The following SYBU variants were observed in gnomAD, a reference collection of about 807,000 sequenced individuals.
SYBU encodes the protein syntabulin.
A neutral mutation model predicts 35.9 loss-of-function variants in SYBU; 21 were observed. That is an observed-to-expected ratio of 0.58 (90% confidence interval 0.41 to 0.84). The LOEUF (loss-of-function observed/expected upper bound fraction) is 0.84, where lower values mean the gene tolerates loss of function less well. Among genes scored for constraint, SYBU ranks in the 40% least tolerant of loss-of-function variants. SYBU has a pLI of 0.00. For synonymous variants in SYBU, 319 were observed against 324.3 expected, an observed-to-expected ratio of 0.98 and a Z score of 0.18; for missense variants, 768 against 848.2, an observed-to-expected ratio of 0.91 and a Z score of 1.17.
At chr8:109,642,683 G>C (rs1171910721) in intron 2 of SYBU, 45 bp downstream of exon 2, 1 of 1,418,002 alleles carries the variant, frequency 7.1e-7, no homozygotes, top group Non-Finnish European at 9.6e-7. Context: ...TGCACCTGCA[G>C]TGCACACGCT....
chr8:109,575,431 C>A lies in SYBU; in HGVS notation c.1467G>T (p.Gln489His). 6.2e-7 allele frequency: 1 copy of A among 1,614,126 alleles called. No homozygotes were observed. Among genetic ancestry groups the A allele is most frequent in the Admixed American group, 1.7e-5 (1 of 60,022 alleles). ...EGSVVVERAV[Q>H]TDVVPYSPAI... ...CTGGGCTGTAGGGCACCACGTCGGTCTGAACGGCTCGCTCCACCACCACAC... is the reference window on the plus strand; with the variant it reads ...CTGGGCTGTAGGGCACCACGTCGGTATGAACGGCTCGCTCCACCACCACAC... The change falls in exon 7 of 7, where the codon CAG becomes CAT. Residue 489 changes from glutamine to histidine, a missense_variant. Gln to His is a conservative substitution (Grantham distance 24). Coordinates refer to ENST00000276646, the MANE Select transcript of SYBU (RefSeq NM_001099754.2).
intron 3 of SYBU, among the ~76,000 whole-genome samples, chr8:109,602,819 T>G (rs1469244737): frequency 6.6e-6 from 1 of 152,056 alleles, no homozygotes; most frequent in Non-Finnish European, 1.5e-5. Flanking sequence ...GTAGGGAGTG[T>G]GAGAACAAAA....
chr8:109,601,840 CAG>C (rs1825564334), intron 3 of SYBU, among the ~76,000 whole-genome samples: 1 of 152,044 alleles, frequency 6.6e-6, no homozygotes, highest in African/African-American at 2.4e-5. Flanking sequence ...GAGTTGTAAC[CAG>C]AGAGTTGAAA....
intron 1 of SYBU, among the ~76,000 whole-genome samples, chr8:109,686,322 T>C (rs1053596944): frequency 1.3e-5 from 2 of 152,182 alleles, no homozygotes; most frequent in Non-Finnish European, 2.9e-5. Flanking sequence ...TTTAATATGT[T>C]TTAAGAACCA....
At chr8:109,631,684 G>T (rs1022471750) in intron 2 of SYBU, among the ~76,000 whole-genome samples, 1 of 152,160 alleles carries the variant, frequency 6.6e-6, no homozygotes, top group Non-Finnish European at 1.5e-5. Flanking sequence ...CTACCTAGAG[G>T]TTTTGGCGAG....
chr8:109,575,684 G>C lies in SYBU; in HGVS notation c.1214C>G (p.Pro405Arg). Reference protein sequence around the residue: ...DSPEKSLTLNPPLDTMADGLS... With the variant: ...DSPEKSLTLNRPLDTMADGLS... ...CCCATCTGCCATTGTGTCAAGAGGG[G>C]GGTTGAGGGTTAAGCTCTTCTCTGG... The change falls in exon 7 of 7, where the codon CCC (proline) becomes CGC (arginine). Residue 405 changes from proline (P) to arginine (R), a missense_variant. Transcript: ENST00000276646. The C allele has an allele frequency of 6.2e-7, 1 of 1,614,092 alleles. No homozygotes were observed. The highest frequency in any genetic ancestry group is 1.1e-5 in the South Asian group (1 of 91,074).
At position 109,612,422 on chromosome 8, in the gene SYBU, T is replaced by A. The variant is rs535851336; in HGVS notation, c.427+6420A>T. On this transcript the variant is annotated intron_variant, in intron 3 of 6. Coordinates refer to ENST00000276646, the MANE Select transcript of SYBU (RefSeq NM_001099754.2). Reference sequence around the variant, plus strand: ...GGGTTTGCTGCCGGAAGACCTTAGCTTATAACTGGCAAGCTATTAGAAAAA... The same window carrying A: ...GGGTTTGCTGCCGGAAGACCTTAGCATATAACTGGCAAGCTATTAGAAAAA... 4.6e-5 allele frequency among the ~76,000 whole-genome samples: 7 copies of A among 152,354 alleles called. No individual in the cohort carries two copies. The South Asian group carries it at 1.4e-3, about 32-fold the overall frequency.
chr8:109,653,008 G>A (rs1047048059), intron 1 of SYBU, among the ~76,000 whole-genome samples: 7 of 152,014 alleles, frequency 4.6e-5, no homozygotes, highest in Non-Finnish European at 8.8e-5. Context: ...TACAAACTGG[G>A]GATTTAACAA....
chr8:109,582,664 TCATCATCAC>T (rs1823174315), intron 4 of SYBU, among the ~76,000 whole-genome samples: 1 of 152,170 alleles, frequency 6.6e-6, no homozygotes, highest in South Asian at 2.1e-4. Context: ...ATCGTCATCA[TCATCATCAC>T]CATCATCACC....
intron 1 of SYBU, among the ~76,000 whole-genome samples, chr8:109,673,038 G>A (rs1207136025): frequency 6.6e-6 from 1 of 152,228 alleles, no homozygotes; most frequent in Non-Finnish European, 1.5e-5. Flanking sequence ...CCACTCAGGG[G>A]CTTATATATA....
At chr8:109,635,189 T>C (rs1229559667) in intron 2 of SYBU, among the ~76,000 whole-genome samples, 1 of 152,224 alleles carries the variant, frequency 6.6e-6, no homozygotes, top group African/African-American at 2.4e-5. Context: ...GCTGCAGCTG[T>C]TTCTGCTGAA....
intron 1 of SYBU, chr8:109,643,343 C>G (rs1464642340): frequency 4.5e-6 from 1 of 222,592 alleles, no homozygotes; most frequent in African/African-American, 2.3e-5. Context: ...ATTTTGCTTT[C>G]CCTAAATTAG....
intron 3 of SYBU, chr8:109,607,805 AACTCACACACAC>A: frequency 9.0e-6 from 3 of 332,270 alleles, no homozygotes; most frequent in Non-Finnish European, 9.7e-6. Context: ...TACCACAACT[AACTCACACACAC>A]ACACACACAC....
chr8:109,577,568 G>A (rs987073859), intron 6 of SYBU, among the ~76,000 whole-genome samples: 1 of 151,936 alleles, frequency 6.6e-6, no homozygotes, highest in African/African-American at 2.4e-5. Flanking sequence ...AAATAGTCAT[G>A]CACACACCTG....
At chr8:109,585,999 C>T (rs975103211) in intron 4 of SYBU, 61 bp downstream of exon 4, 1 of 1,143,770 alleles carries the variant, frequency 8.7e-7, no homozygotes, top group Admixed American at 2.2e-5. Context: ...TACAGATGCA[C>T]AGGTGCAGGT....
chr8:109,621,795 G>A (rs1812428201), intron 2 of SYBU, among the ~76,000 whole-genome samples: 12 of 152,164 alleles, frequency 7.9e-5, no homozygotes, highest in Admixed American at 7.9e-4. Flanking sequence ...TGCCTGTTTT[G>A]TCTAATGCAC....
At chr8:109,609,885 T>C (rs990835009) in intron 3 of SYBU, among the ~76,000 whole-genome samples, 1 of 152,188 alleles carries the variant, frequency 6.6e-6, no homozygotes, top group African/African-American at 2.4e-5. Flanking sequence ...GGCTAAGCCA[T>C]CCAAATTTAG....
intron 2 of SYBU, 76 bp downstream of exon 2, chr8:109,642,652 C>T: frequency 1.0e-6 from 1 of 969,244 alleles, no homozygotes; most frequent in Non-Finnish European, 1.5e-6. Context: ...TATAAGGGAC[C>T]CAGTATGGGC....
At chr8:109,672,921 T>C (rs140306395) in intron 1 of SYBU, among the ~76,000 whole-genome samples, 3 of 152,182 alleles carry the variant, frequency 2.0e-5, no homozygotes, top group Admixed American at 2.0e-4. Flanking sequence ...ACTGGGAAGT[T>C]TGGACTGGGT....
Sources: gnomAD v4.1 joint callset for allele counts (sites outside exome capture counted in the v4.1 genomes callset) on GRCh38, gnomAD v4.1.1 for gene constraint, MANE v1.5 for transcripts, NCBI Gene and HGNC (gene_info 2026-07-23, HGNC 2026-07-21) for gene names.